XPO7: variants seen among roughly 807,000 people sequenced by gnomAD.
The protein encoded by XPO7 is exportin-7.
In XPO7, 21 loss-of-function variants were observed where a neutral mutation model predicts 144.3. The ratio of observed to expected loss-of-function variants is 0.15; its 90% confidence interval spans 0.10 to 0.21. The LOEUF (loss-of-function observed/expected upper bound fraction) is 0.21. Ranked by LOEUF, XPO7 falls within the 10% of genes least tolerant of loss-of-function variation. XPO7 has a pLI of 1.00. For synonymous variants in XPO7, 580 were observed against 499.6 expected, an observed-to-expected ratio of 1.16 and a Z score of -2.15; for missense variants, 808 against 1,325.8, an observed-to-expected ratio of 0.61 and a Z score of 6.06.
chr8:21,990,593 T>C, intron 17 of XPO7, 186 bp downstream of exon 17: 1 of 743,182 alleles, frequency 1.3e-6, no homozygotes, highest in Non-Finnish European at 2.2e-6. Context: ...CCAGATGATG[T>C]GAGTTATGGT....
chr8:21,984,754 G>A lies in XPO7; in HGVS notation c.1386G>A (p.Val462=), dbSNP rs1812522085. The A allele has an allele frequency of 6.2e-7, 1 of 1,614,018 alleles. No individual in the cohort carries two copies. Among genetic ancestry groups the A allele is most frequent in the Non-Finnish European group, 8.5e-7 (1 of 1,179,902 alleles). The part of the protein sequence containing the change: ...CEYEKTCALL[V]QLFDQSAQSY... ...ATGAGAAGACGTGTGCACTCCTCGTGCAGTTGTTTGACCAGTCGGCCCAGT... is the reference window on the plus strand; with the variant it reads ...ATGAGAAGACGTGTGCACTCCTCGTACAGTTGTTTGACCAGTCGGCCCAGT... The change falls in exon 12 of 28, where the codon GTG becomes GTA. Residue 462 remains valine, a synonymous_variant. Transcript: ENST00000252512.
chr8:21,976,353 C>A lies in XPO7; in HGVS notation c.598-3C>A. 1.2e-6 allele frequency: 2 copies of A among 1,612,176 alleles called. No individual in the cohort carries two copies. Among genetic ancestry groups the A allele is most frequent in the Non-Finnish European group, 1.7e-6 (2 of 1,178,910 alleles). ...GGGACTCATTATGTGGTAATTTTTACAGGCTTCAGGAAAGAATCTAAACTT... is the reference window on the plus strand; with the variant it reads ...GGGACTCATTATGTGGTAATTTTTAAAGGCTTCAGGAAAGAATCTAAACTT... On this transcript the variant is annotated splice_region_variant and splice_polypyrimidine_tract_variant and intron_variant, in intron 6 of 27. Transcript: ENST00000252512.
intron 6 of XPO7, 48 bp downstream of exon 6, chr8:21,974,822 G>A: frequency 7.1e-7 from 1 of 1,410,956 alleles, no homozygotes; most frequent in South Asian, 1.3e-5. Flanking sequence ...TTGAAAGAAT[G>A]AGAATGGATG....
intron 1 of XPO7, among the ~76,000 whole-genome samples, chr8:21,949,364 C>T (rs1268890542): frequency 6.6e-6 from 1 of 152,196 alleles, no homozygotes; most frequent in Non-Finnish European, 1.5e-5. Flanking sequence ...AGGCAGTTGC[C>T]CATATAGCTG....
intron 1 of XPO7, among the ~76,000 whole-genome samples, chr8:21,962,412 T>C (rs1034327318): frequency 1.7e-4 from 26 of 152,376 alleles, no homozygotes; most frequent in African/African-American, 6.0e-4. Flanking sequence ...TTTGTTTTTT[T>C]AGCCTTGTGA....
chr8:21,956,133 A>G (rs867754611), intron 1 of XPO7, among the ~76,000 whole-genome samples: 1 of 151,970 alleles, frequency 6.6e-6, no homozygotes, highest in Non-Finnish European at 1.5e-5. Context: ...GTGGCCTTAC[A>G]CCCCCAAAGA....
In XPO7 at chr8:21,930,756, T is replaced by C. The variant is rs146100688; in HGVS notation, c.18+10968T>C. Among the ~76,000 whole-genome samples, 336 of 152,304 alleles carry C rather than the reference T, an allele frequency of 2.2e-3. 1 individual carries two copies. Among genetic ancestry groups the C allele is most frequent in the African/African-American group, 7.4e-3 (309 of 41,568 alleles). ...TAACTGAATAATTACTGCAACAATG[T>C]TATAGGAAGTTGATTATCTGTTATC... On this transcript the variant is annotated intron_variant, in intron 1 of 27. Coordinates refer to ENST00000252512, the MANE Select transcript of XPO7 (RefSeq NM_015024.5).
rs1035007674 is a variant in XPO7 at position 21,976,420 on chromosome 8, A to G, written c.662A>G (p.Lys221Arg). 1 of 1,614,026 alleles carries G rather than the reference A, an allele frequency of 6.2e-7. No homozygotes were observed. Among genetic ancestry groups the G allele is most frequent in the Non-Finnish European group, 8.5e-7 (1 of 1,179,884 alleles). Residue 221 changes from lysine (K) to arginine (R), a missense_variant, in exon 7 of 28, where the codon AAG (lysine) becomes AGG (arginine). Physicochemically the swap from Lys to Arg is conservative, Grantham distance 26. Around this residue, in one of 5 missense-constraint regions of XPO7, gnomAD observed 223 missense variants for 368.8 expected, o/e 0.60. Coordinates refer to ENST00000252512, the MANE Select transcript of XPO7 (RefSeq NM_015024.5). Reference protein sequence around the residue: ...SQHGLLMQLLKLTHNCLNFDF... With the variant: ...SQHGLLMQLLRLTHNCLNFDF... Reference sequence around the variant, plus strand: ...CATGGCTTGCTCATGCAACTGCTCAAGCTCACTCATAACTGCCTCAACTTT... The same window carrying G: ...CATGGCTTGCTCATGCAACTGCTCAGGCTCACTCATAACTGCCTCAACTTT...
intron 1 of XPO7, among the ~76,000 whole-genome samples, chr8:21,941,930 TAAAC>T (rs1811006177): frequency 6.6e-6 from 1 of 152,036 alleles, no homozygotes; most frequent in Non-Finnish European, 1.5e-5. Context: ...ACAAAATAAA[TAAAC>T]TGTGATGTCT....
chr8:21,965,589 T>A (rs1811856653), intron 1 of XPO7, among the ~76,000 whole-genome samples: 1 of 152,214 alleles, frequency 6.6e-6, no homozygotes, highest in Non-Finnish European at 1.5e-5. Context: ...TTTGTTCTTT[T>A]GGGGGCTGTC....
chr8:21,979,584 T>A (rs1812337762), intron 8 of XPO7, among the ~76,000 whole-genome samples: 1 of 151,472 alleles, frequency 6.6e-6, no homozygotes, highest in African/African-American at 2.4e-5. Flanking sequence ...ATTTTTTGTA[T>A]TTTTGGTAGA....
chr8:21,951,075 G>A (rs756522195), intron 1 of XPO7, among the ~76,000 whole-genome samples: 7 of 151,952 alleles, frequency 4.6e-5, no homozygotes, highest in Non-Finnish European at 8.8e-5. Flanking sequence ...CAGCCTGGGC[G>A]ACAGAGCGAG....
chr8:21,971,228 A>G (rs1182082181), intron 4 of XPO7, among the ~76,000 whole-genome samples: 1 of 152,180 alleles, frequency 6.6e-6, no homozygotes, highest in Non-Finnish European at 1.5e-5. Flanking sequence ...AGTACACTCT[A>G]TGATGTTAGC....
At chr8:21,951,069 C>T (rs1001295514) in intron 1 of XPO7, among the ~76,000 whole-genome samples, 1 of 151,982 alleles carries the variant, frequency 6.6e-6, no homozygotes, top group African/African-American at 2.4e-5. Flanking sequence ...GTACTCCAGC[C>T]TGGGCGACAG....
At chr8:21,931,759 C>T (rs902921974) in intron 1 of XPO7, among the ~76,000 whole-genome samples, 13 of 152,198 alleles carry the variant, frequency 8.5e-5, no homozygotes, top group African/African-American at 2.7e-4. Flanking sequence ...TCTCTCCATC[C>T]CATGTTTTAA....
chr8:21,929,308 C>G (rs1008726141), intron 1 of XPO7, among the ~76,000 whole-genome samples: 9 of 152,222 alleles, frequency 5.9e-5, no homozygotes, highest in Non-Finnish European at 1.0e-4. Context: ...TAAAAATAAG[C>G]TAGATCCTCG....
At position 21,970,369 on chromosome 8, in the gene XPO7, AACACACAC is replaced by A. The variant is rs140784168; in HGVS notation, c.426+75_426+82del. ...GAGAACCAGCATATACATATATATA[AACACACAC>A]ACACACACACACACAACTTAACACG... On this transcript the variant is annotated intron_variant, in intron 4 of 27. Coordinates refer to ENST00000252512, the MANE Select transcript of XPO7 (RefSeq NM_015024.5). 1.0e-4 allele frequency: 116 copies of A among 1,136,136 alleles called. No individual in the cohort carries two copies. In the African/African-American group the frequency reaches 1.2e-3, roughly 12 times the overall value. 70.4% of individuals were successfully genotyped at this position (1,136,136 alleles called of 1,614,324 possible).
At chr8:22,002,368 C>A (rs1813180107) in intron 25 of XPO7, 96 bp downstream of exon 25, 1 of 1,415,328 alleles carries the variant, frequency 7.1e-7, no homozygotes, top group African/African-American at 1.4e-5. Context: ...AACATGACAT[C>A]TCATCAGGTT....
At chr8:21,925,568 G>T (rs972737038) in intron 1 of XPO7, among the ~76,000 whole-genome samples, 2 of 152,226 alleles carry the variant, frequency 1.3e-5, no homozygotes, top group African/African-American at 4.8e-5. Context: ...TTACTGGAGT[G>T]TGACTTGGTT....
Sources: gnomAD v4.1 joint callset for allele counts (sites outside exome capture counted in the v4.1 genomes callset) on GRCh38, gnomAD v4.1.1 for gene constraint, gnomAD v4.1.1 regional missense constraint, MANE v1.5 for transcripts, NCBI Gene and HGNC (gene_info 2026-07-23, HGNC 2026-07-21) for gene names.